ADCY7: variants seen among roughly 807,000 people sequenced by gnomAD.
The protein encoded by ADCY7 is adenylate cyclase 7.
ADCY7 carries 72 observed loss-of-function variants against 120.6 expected under a neutral mutation model. The observed-to-expected ratio is 0.60, with a 90% confidence interval of 0.49 to 0.73. The LOEUF (loss-of-function observed/expected upper bound fraction) is 0.73, where lower values mean the gene tolerates loss of function less well. Ranked by LOEUF, ADCY7 falls within the 30% of genes least tolerant of loss-of-function variation. The probability of loss-of-function intolerance (pLI) is 0.00; values close to 1 mark genes in which losing one functional copy is unlikely to be tolerated. For synonymous variants in ADCY7, 661 were observed against 628.0 expected, an observed-to-expected ratio of 1.05 and a Z score of -0.78; for missense variants, 1,227 against 1,486.0, an observed-to-expected ratio of 0.83 and a Z score of 2.87.
chr16:50,305,251 G>A (rs920751100), intron 12 of ADCY7, among the ~76,000 whole-genome samples: 5 of 152,196 alleles, frequency 3.3e-5, no homozygotes, highest in African/African-American at 1.2e-4. Flanking sequence ...CCAATCCCGG[G>A]GGTGTAGCCG....
chr16:50,294,628 C>T lies in ADCY7; in HGVS notation c.837-12C>T, dbSNP rs999525129. 2 of 1,463,382 alleles carry T rather than the reference C, an allele frequency of 1.4e-6. No homozygotes were observed. The highest frequency in any genetic ancestry group is 1.9e-6 in the Non-Finnish European group (2 of 1,049,204). 90.6% of individuals were successfully genotyped at this position (1,463,382 alleles called of 1,614,324 possible). A position where few individuals can be genotyped will look rare whatever the true frequency, so the allele number is the denominator to read the frequency against. On this transcript the variant is annotated splice_polypyrimidine_tract_variant and intron_variant, in intron 6 of 25. Coordinates refer to ENST00000673801, the MANE Select transcript of ADCY7 (RefSeq NM_001114.5). ...GGCTCTGACACTCCCTCCCACCCTG[C>T]CCCATCCCCAGCATCCTCTATGCGG...
Position 50,311,673 on chromosome 16 carries a change from G to C in ADCY7, c.2355-20G>C, listed in dbSNP as rs764478852. ...GAGTGGTGAGTGCTGGGAGTGACTT[G>C]GGCCTCCCTTCGCATTCAGTGGCAC... On this transcript the variant is annotated intron_variant, in intron 19 of 25. Transcript: ENST00000673801. The C allele has an allele frequency of 1.2e-5, 19 of 1,581,638 alleles. No homozygotes were observed. The highest frequency in any genetic ancestry group is 1.6e-5 in the Non-Finnish European group (18 of 1,150,836).
chr16:50,246,342 G>A (rs1174765432), intron 1 of ADCY7: 1 of 151,862 alleles, frequency 6.6e-6, no homozygotes, highest in African/African-American at 2.4e-5. Context: ...GCCCTTCCCC[G>A]GCCTCGCGGG....
intron 19 of ADCY7, 94 bp from the exon 20 acceptor site, chr16:50,311,599 C>T: frequency 1.1e-6 from 1 of 893,952 alleles, no homozygotes; most frequent in Non-Finnish European, 1.9e-6. Flanking sequence ...CAATTTTCCC[C>T]TTTCCCCTGG....
At chr16:50,310,176 G>A (rs1399785083) in intron 18 of ADCY7, among the ~76,000 whole-genome samples, 1 of 152,218 alleles carries the variant, frequency 6.6e-6, no homozygotes, top group African/African-American at 2.4e-5. Flanking sequence ...GCCGAGGCGT[G>A]TGTTGGGAGC....
intron 1 of ADCY7, among the ~76,000 whole-genome samples, chr16:50,269,085 G>A (rs2150826864): frequency 6.6e-6 from 1 of 152,306 alleles, no homozygotes; most frequent in South Asian, 2.1e-4. Flanking sequence ...CGACTCGATG[G>A]TTGCACTGGG....
At chr16:50,292,205 C>T (rs1449637729) in intron 4 of ADCY7, among the ~76,000 whole-genome samples, 7 of 152,252 alleles carry the variant, frequency 4.6e-5, no homozygotes, top group East Asian at 1.9e-4. Context: ...AGTTTCCCCT[C>T]GAAGGCCCTG....
At chr16:50,314,654 G>A in intron 24 of ADCY7, 1 of 508,514 alleles carries the variant, frequency 2.0e-6, no homozygotes, top group Admixed American at 3.5e-5. Context: ...GTAAACAGGT[G>A]ACCTTAAAAT....
chr16:50,291,701 C>T, intron 3 of ADCY7, 35 bp from the exon 4 acceptor site: 1 of 1,613,204 alleles, frequency 6.2e-7, no homozygotes. Context: ...GGGGCAGCAT[C>T]TTGGGGCACC....
chr16:50,265,782 G>A (rs748248670), upstream of ADCY7, among the ~76,000 whole-genome samples: 40 of 152,214 alleles, frequency 2.6e-4, no homozygotes, highest in Admixed American at 5.2e-4. Context: ...TGAGGACCAG[G>A]TGCTGCTGTG....
chr16:50,260,027 G>A (rs2033018381), intron 1 of ADCY7, among the ~76,000 whole-genome samples: 1 of 152,230 alleles, frequency 6.6e-6, no homozygotes, highest in African/African-American at 2.4e-5. Flanking sequence ...TGCTGCCTCT[G>A]CGAGTCCCTC....
chr16:50,314,376 C>G lies in ADCY7; in HGVS notation c.2941C>G (p.His981Asp), dbSNP rs1206635822. The G allele has an allele frequency of 6.2e-7, 1 of 1,614,106 alleles. No individual in the cohort carries two copies. The change falls in exon 24 of 26, where the codon CAC becomes GAC. Residue 981 changes from histidine to aspartate, a missense_variant. His to Asp is a moderately conservative substitution (Grantham distance 81). This residue lies in a region of ADCY7 where 244 missense variants were observed against 332.8 expected (regional missense o/e 0.73). Coordinates refer to ENST00000673801, the MANE Select transcript of ADCY7 (RefSeq NM_001114.5). ...LMSKLDGINR[H>D]SFNSFRLRVG... is the part of the protein sequence containing the mutation. ...GAGTAAGCTGGACGGCATCAACAGG[C>G]ACTCCTTCAACTCCTTCCGCCTCCG... is the stretch of plus-strand genomic sequence containing the variant.
intron 5 of ADCY7, 38 bp downstream of exon 5, chr16:50,292,863 T>C: frequency 6.3e-7 from 1 of 1,599,416 alleles, no homozygotes; most frequent in Non-Finnish European, 8.5e-7. Context: ...TGTACACCCC[T>C]GTCCTCTTCC....
chr16:50,284,991 CCTTAT>C (rs2034493201), intron 1 of ADCY7, among the ~76,000 whole-genome samples: 1 of 152,118 alleles, frequency 6.6e-6, no homozygotes, highest in African/African-American at 2.4e-5. Context: ...CAGGCAGGGA[CCTTAT>C]CTTGTTTGGC....
chr16:50,264,511 G>C (rs1282150609), upstream of ADCY7, among the ~76,000 whole-genome samples: 1 of 152,194 alleles, frequency 6.6e-6, no homozygotes, highest in Non-Finnish European at 1.5e-5. Flanking sequence ...CATTGGGGAA[G>C]CATATGGTTT....
In ADCY7 at chr16:50,292,711, C is replaced by G; in HGVS notation, c.573C>G (p.Asn191Lys). 6.2e-7 allele frequency: 1 copy of G among 1,613,986 alleles called. No homozygotes were observed. The highest frequency in any genetic ancestry group is 8.5e-7 in the Non-Finnish European group (1 of 1,179,998). ...LANAVIFLCG[N>K]LTGAFHKHQM... ...ACGCAGTCATCTTCCTGTGTGGGAA[C>G]CTGACAGGCGCCTTCCACAAGCACC... Residue 191 changes from asparagine to lysine, a missense_variant, in exon 5 of 26, where the codon AAC (asparagine) becomes AAG (lysine). By Grantham distance (94) the Asn-to-Lys change is moderately conservative (BLOSUM62 0). This residue lies in a region of ADCY7 where 382 missense variants were observed against 411.4 expected (regional missense o/e 0.93). Transcript: ENST00000673801.
At chr16:50,275,935 G>A (rs1342007401) in intron 1 of ADCY7, among the ~76,000 whole-genome samples, 4 of 152,200 alleles carry the variant, frequency 2.6e-5, no homozygotes, top group Non-Finnish European at 5.9e-5. Flanking sequence ...TTCTCTGCAG[G>A]TTCTCAGAGG....
At chr16:50,311,000 G>GA in intron 19 of ADCY7, 120 bp downstream of exon 19, 1 of 1,058,028 alleles carries the variant, frequency 9.5e-7, no homozygotes, top group Non-Finnish European at 1.3e-6. Flanking sequence ...GGCGGGGCTG[G>GA]CAGATGGTGT....
upstream of ADCY7, among the ~76,000 whole-genome samples, chr16:50,262,665 C>T (rs1304511825): frequency 6.6e-6 from 1 of 152,148 alleles, no homozygotes; most frequent in Non-Finnish European, 1.5e-5. Flanking sequence ...CTTTGATGGG[C>T]ACCTCTTACC....
Sources: allele counts gnomAD v4.1 joint callset (sites outside exome capture counted in the v4.1 genomes callset), GRCh38; gene constraint gnomAD v4.1.1; regional missense constraint gnomAD v4.1.1; transcripts MANE v1.5; gene names NCBI Gene and HGNC (gene_info 2026-07-23, HGNC 2026-07-21).